KHDRBS3: variants seen among roughly 807,000 people sequenced by gnomAD.
KHDRBS3 encodes the protein KH RNA binding domain containing, signal transduction associated 3, also known as KH domain-containing, RNA-binding, signal transduction-associated protein 3.
KHDRBS3 carries 23 observed loss-of-function variants against 45.6 expected under a neutral mutation model. The observed-to-expected ratio is 0.50, with a 90% CI of 0.36 to 0.72. KHDRBS3 has a LOEUF of 0.72. Ranked by LOEUF, KHDRBS3 falls within the 30% of genes least tolerant of loss-of-function variation. The pLI, the probability that KHDRBS3 is intolerant of heterozygous loss-of-function variation, is 0.00. For missense variants in KHDRBS3, 352 were observed against 424.8 expected, an observed-to-expected ratio of 0.83 and a Z score of 1.51; for synonymous variants, 162 against 156.5, an observed-to-expected ratio of 1.04 and a Z score of -0.26.
intron 1 of KHDRBS3, among the ~76,000 whole-genome samples, chr8:135,498,422 C>G (rs902328830): frequency 1.3e-5 from 2 of 149,344 alleles, no homozygotes; most frequent in Non-Finnish European, 3.0e-5. Flanking sequence ...TCTTAGTTTA[C>G]ATGTCCTTTC....
chr8:135,494,445 C>A (rs979852560), intron 1 of KHDRBS3, among the ~76,000 whole-genome samples: 2 of 151,754 alleles, frequency 1.3e-5, no homozygotes, highest in African/African-American at 2.4e-5. Flanking sequence ...CGCCCAGCTA[C>A]TTTTTTGCAT....
intron 1 of KHDRBS3, among the ~76,000 whole-genome samples, chr8:135,494,837 C>T (rs1336343470): frequency 6.6e-6 from 1 of 152,218 alleles, no homozygotes; most frequent in Non-Finnish European, 1.5e-5. Context: ...TGGTTCCAAC[C>T]CTTTGGCTGG....
rs1456109767 is a variant in KHDRBS3 at position 135,515,383 on chromosome 8, A to G, written c.89-5854A>G. Among the ~76,000 whole-genome samples, 3 of 145,006 alleles carry G rather than the reference A, an allele frequency of 2.1e-5. No individual in the cohort carries two copies. In the Admixed American group the frequency reaches 2.1e-4, roughly 10 times the overall value. On this transcript the variant is annotated intron_variant, in intron 1 of 8. Transcript: ENST00000355849. ...TCCGTCTTAAAAAAAAAAAAAAAAA[A>G]AAAAAAAAAAAAAAAAAAAGATTCC...
chr8:135,547,492 T>A (rs115835018), intron 3 of KHDRBS3, among the ~76,000 whole-genome samples: 137 of 152,332 alleles, frequency 9.0e-4, no homozygotes, highest in African/African-American at 3.1e-3. Context: ...CTCACATGGC[T>A]AGTGACTGGC....
chr8:135,458,139 G>A (rs1821213544), intron 1 of KHDRBS3, 185 bp downstream of exon 1: 1 of 1,362,996 alleles, frequency 7.3e-7, no homozygotes. Context: ...GGAAGACCCT[G>A]ATGTGAATTT....
chr8:135,530,299 T>A (rs1336592225), intron 2 of KHDRBS3, among the ~76,000 whole-genome samples: 2 of 152,180 alleles, frequency 1.3e-5, no homozygotes, highest in Non-Finnish European at 2.9e-5. Flanking sequence ...TTGGACCAAC[T>A]GAAAATTGCG....
intron 1 of KHDRBS3, among the ~76,000 whole-genome samples, chr8:135,475,902 C>T (rs1023482065): frequency 1.3e-5 from 2 of 152,094 alleles, no homozygotes; most frequent in African/African-American, 2.4e-5. Flanking sequence ...CTTTGGACTT[C>T]ATCAGTCTGA....
Position 135,642,006 on chromosome 8 carries a change from AATTAGGACT to A in KHDRBS3, c.891-3051_891-3043del, listed in dbSNP as rs1432817071. The stretch of plus-strand genomic sequence containing the variant: ...AACTGTATATTATTCCGTGAGGGAA[AATTAGGACT>A]ACAGAAAGGAAGCCAGAGAGAGACT... On this transcript the variant is annotated intron_variant, in intron 7 of 8. Coordinates refer to ENST00000355849, the MANE Select transcript of KHDRBS3 (RefSeq NM_006558.3). Among the ~76,000 whole-genome samples, 3 of 152,202 alleles carry A rather than the reference AATTAGGACT, an allele frequency of 2.0e-5. No individual in the cohort carries two copies. The East Asian group carries it at 5.8e-4, about 29-fold the overall frequency.
intron 5 of KHDRBS3, among the ~76,000 whole-genome samples, chr8:135,568,734 C>CT: frequency 6.6e-6 from 1 of 152,174 alleles, no homozygotes; most frequent in Non-Finnish European, 1.5e-5. Context: ...TCAATGGAAA[C>CT]CTGTTTCTTA....
chr8:135,600,733 T>G (rs1344977432), intron 6 of KHDRBS3, among the ~76,000 whole-genome samples: 3 of 152,232 alleles, frequency 2.0e-5, no homozygotes, highest in Admixed American at 6.5e-5. Flanking sequence ...TCATCCAGAC[T>G]GGAATGCAGT....
intron 6 of KHDRBS3, among the ~76,000 whole-genome samples, chr8:135,587,575 A>G (rs757244671): frequency 6.6e-6 from 1 of 152,204 alleles, no homozygotes; most frequent in Non-Finnish European, 1.5e-5. Flanking sequence ...CTCTTTTTGG[A>G]GAACAAGAAG....
chr8:135,507,991 A>C (rs1208494200), intron 1 of KHDRBS3, among the ~76,000 whole-genome samples: 1 of 152,174 alleles, frequency 6.6e-6, no homozygotes, highest in East Asian at 1.9e-4. Flanking sequence ...AACATTGAGT[A>C]TGAGTAGAAT....
At chr8:135,592,951 C>G (rs1187800791) in intron 6 of KHDRBS3, among the ~76,000 whole-genome samples, 1 of 152,096 alleles carries the variant, frequency 6.6e-6, no homozygotes, top group Non-Finnish European at 1.5e-5. Context: ...GTAATCCCAG[C>G]ACTTTGGGAG....
At chr8:135,521,958 G>A (rs1433875367) in intron 2 of KHDRBS3, among the ~76,000 whole-genome samples, 1 of 151,472 alleles carries the variant, frequency 6.6e-6, no homozygotes, top group Non-Finnish European at 1.5e-5. Context: ...TTTTTTTAAC[G>A]TTGTATTTTG....
chr8:135,498,622 T>C (rs1343000706), intron 1 of KHDRBS3, among the ~76,000 whole-genome samples: 3 of 152,240 alleles, frequency 2.0e-5, no homozygotes, highest in Non-Finnish European at 4.4e-5. Context: ...GCAGCCAGTA[T>C]ATAGTCTGTA....
intron 6 of KHDRBS3, among the ~76,000 whole-genome samples, chr8:135,593,773 C>T (rs1828854618): frequency 6.6e-6 from 1 of 152,190 alleles, no homozygotes; most frequent in African/African-American, 2.4e-5. Context: ...CCACTGTGCC[C>T]AGCCTGGATT....
chr8:135,512,819 A>C lies in KHDRBS3; in HGVS notation c.89-8418A>C, dbSNP rs563092353. On this transcript the variant is annotated intron_variant, in intron 1 of 8. Transcript: ENST00000355849. Reference sequence around the variant, plus strand: ...GAAGTGTGAACAATGAGTATATGAAAATATATTCTGTTGTGGTACAAGTTT... The same window carrying C: ...GAAGTGTGAACAATGAGTATATGAACATATATTCTGTTGTGGTACAAGTTT... Among the ~76,000 whole-genome samples the C allele has an allele frequency of 9.9e-4, 151 of 152,284 alleles. 1 individual carries two copies. Among genetic ancestry groups the C allele is most frequent in the African/African-American group, 3.4e-3 (142 of 41,546 alleles).
At chr8:135,563,669 T>C (rs1182424963) in intron 5 of KHDRBS3, among the ~76,000 whole-genome samples, 1 of 152,232 alleles carries the variant, frequency 6.6e-6, no homozygotes, top group Non-Finnish European at 1.5e-5. Context: ...CTCTTTCTGA[T>C]CAAGTGTTGA....
At position 135,533,336 on chromosome 8, in the gene KHDRBS3, A is replaced by G. The variant is rs142995821; in HGVS notation, c.208-9318A>G. On this transcript the variant is annotated intron_variant, in intron 2 of 8. Transcript: ENST00000355849. The stretch of plus-strand genomic sequence containing the variant: ...CAGCCTTATAAAAAGATTAAAAACA[A>G]CTATGATCCAGTTGGATATGACAAG... Among the ~76,000 whole-genome samples, 711 of 152,330 alleles carry G rather than the reference A, an allele frequency of 4.7e-3. 3 individuals are homozygous for G. The highest frequency in any genetic ancestry group is 0.016 in the African/African-American group (684 of 41,584).
Sources: allele counts gnomAD v4.1 joint callset (sites outside exome capture counted in the v4.1 genomes callset), GRCh38; gene constraint gnomAD v4.1.1; transcripts MANE v1.5; gene names NCBI Gene and HGNC (gene_info 2026-07-23, HGNC 2026-07-21).